Variants in ZNF429 observed in about 807,000 individuals in gnomAD.
ZNF429 encodes zinc finger protein 429.
A neutral mutation model predicts 56.8 loss-of-function variants in ZNF429; 53 were observed. The observed-to-expected ratio is 0.93, with a 90% CI of 0.75 to 1.17. ZNF429 has a LOEUF of 1.17. ZNF429 is among the 50% of genes most tolerant of loss of function. The pLI is 0.00. For synonymous variants in ZNF429, 278 were observed against 264.7 expected (o/e 1.05, Z -0.49); for missense variants, 849 against 788.4 (o/e 1.08, Z -0.92).
intron 1 of ZNF429, among the ~76,000 whole-genome samples, chr19:21,509,019 AT>A (rs573196717): frequency 0.039 from 5,621 of 143,468 alleles, 304 homozygotes; most frequent in African/African-American, 0.13. Context: ...TGTTTACTAC[AT>A]TTTTTTTTTT....
At chr19:21,520,247 C>T (rs1368756384) in intron 1 of ZNF429, among the ~76,000 whole-genome samples, 1 of 152,164 alleles carries the variant, frequency 6.6e-6, no homozygotes, top group Non-Finnish European at 1.5e-5. Context: ...GTGCCCAAGG[C>T]TACACCTTAG....
intron 1 of ZNF429, among the ~76,000 whole-genome samples, chr19:21,517,037 TGCTTCCA>T (rs747671799): frequency 2.6e-5 from 4 of 152,236 alleles, no homozygotes; most frequent in Non-Finnish European, 5.9e-5. Context: ...TAAGAAGAAA[TGCTTCCA>T]GCTTGCGTCC....
At chr19:21,535,325 T>TTCTTTCTTTCTTTCTTTCTTTCTTTC in intron 3 of ZNF429, among the ~76,000 whole-genome samples, 2 of 124,648 alleles carry the variant, frequency 1.6e-5, no homozygotes, top group African/African-American at 8.2e-5. Flanking sequence ...CTTTCTTTCT[T>TTCTTTCTTTCTTTCTTTCTTTCTTTC]TCTCTTTTCT....
intron 1 of ZNF429, among the ~76,000 whole-genome samples, chr19:21,516,810 T>C (rs899804127): frequency 6.6e-6 from 1 of 152,236 alleles, no homozygotes. Context: ...GAAACTTTGC[T>C]GAAGTTGTTT....
intron 1 of ZNF429, chr19:21,506,040 GTC>G (rs2032128245): frequency 3.0e-6 from 1 of 330,242 alleles, no homozygotes; most frequent in Non-Finnish European, 6.0e-6. Context: ...CAATTCCGCA[GTC>G]TCTCCCAGAT....
chr19:21,518,997 A>C (rs2032887733), intron 1 of ZNF429: 1 of 152,218 alleles, frequency 6.6e-6, no homozygotes, highest in African/African-American at 2.4e-5. Flanking sequence ...GGTGATGAGA[A>C]AGATATATAT....
intron 1 of ZNF429, among the ~76,000 whole-genome samples, chr19:21,509,254 C>T (rs1438321872): frequency 6.6e-6 from 1 of 152,106 alleles, no homozygotes; most frequent in Non-Finnish European, 1.5e-5. Flanking sequence ...CAATCTGCCC[C>T]TCCTAAAGTG....
chr19:21,511,960 G>A (rs563022168), intron 1 of ZNF429, among the ~76,000 whole-genome samples: 8 of 152,178 alleles, frequency 5.3e-5, no homozygotes, highest in South Asian at 2.1e-4. Context: ...GCCTGGAATC[G>A]CAGGCACTCG....
At chr19:21,531,793 G>T in intron 3 of ZNF429, among the ~76,000 whole-genome samples, 1 of 149,234 alleles carries the variant, frequency 6.7e-6, no homozygotes. Flanking sequence ...GTGATGGAGT[G>T]AGACTCTGTC....
chr19:21,508,944 G>T (rs2032318796), intron 1 of ZNF429, among the ~76,000 whole-genome samples: 1 of 152,002 alleles, frequency 6.6e-6, no homozygotes, highest in Non-Finnish European at 1.5e-5. Flanking sequence ...CTTTATTTCA[G>T]AGTTTAATGC....
At chr19:21,531,130 C>A in intron 3 of ZNF429, among the ~76,000 whole-genome samples, 77,585 of 112,686 alleles carry the variant, frequency 0.69, 24,418 homozygotes, top group African/African-American at 0.78. Context: ...AAAAAAAAAA[C>A]CAAAAAAAAA....
At chr19:21,530,331 G>T in intron 2 of ZNF429, among the ~76,000 whole-genome samples, 7 of 152,078 alleles carry the variant, frequency 4.6e-5, no homozygotes, top group African/African-American at 1.7e-4. Context: ...TCAGGAATTT[G>T]GTGGCCTAAA....
At chr19:21,512,208 T>C (rs1377600540) in intron 1 of ZNF429, among the ~76,000 whole-genome samples, 1 of 152,156 alleles carries the variant, frequency 6.6e-6, no homozygotes, top group Non-Finnish European at 1.5e-5. Context: ...TTGGCATTTG[T>C]AAACTGTTAT....
chr19:21,535,473 TTTC>T, intron 3 of ZNF429, among the ~76,000 whole-genome samples: 2 of 95,706 alleles, frequency 2.1e-5, no homozygotes, highest in African/African-American at 9.1e-5. Context: ...TCTTTCTTTC[TTTC>T]TTTCTTTCTT....
chr19:21,514,685 C>T (rs1455956425), intron 1 of ZNF429, among the ~76,000 whole-genome samples: 1 of 151,996 alleles, frequency 6.6e-6, no homozygotes, highest in Non-Finnish European at 1.5e-5. Context: ...GCAACCTCCA[C>T]CTCCCAGATT....
intron 3 of ZNF429, among the ~76,000 whole-genome samples, chr19:21,535,393 C>T: frequency 2.4e-5 from 1 of 42,394 alleles, no homozygotes; most frequent in East Asian, 4.9e-4. Context: ...TACTTTCTTT[C>T]TTTCTTTCTT....
chr19:21,505,770 A>G lies in ZNF429; in HGVS notation c.-2A>G, dbSNP rs1356111958. The G allele has an allele frequency of 6.2e-7, 1 of 1,611,382 alleles. No homozygotes were observed. The highest frequency in any genetic ancestry group is 8.5e-7 in the Non-Finnish European group (1 of 1,178,296). ...ACTCCAGGACCCCCTGGAAGCCTAGAAATGGTGAGAGTGCCGAGTCTGACA... is the reference window on the plus strand; with the variant it reads ...ACTCCAGGACCCCCTGGAAGCCTAGGAATGGTGAGAGTGCCGAGTCTGACA... On this transcript the variant is annotated 5_prime_UTR_variant, in exon 1 of 4. Transcript: ENST00000358491.
chr19:21,508,438 C>T (rs574889437), intron 1 of ZNF429, among the ~76,000 whole-genome samples: 1 of 152,162 alleles, frequency 6.6e-6, no homozygotes, highest in South Asian at 2.1e-4. Context: ...AGTGATTGAA[C>T]TTGACACATG....
intron 1 of ZNF429, among the ~76,000 whole-genome samples, chr19:21,516,760 C>A (rs1312780839): frequency 6.6e-6 from 1 of 152,054 alleles, no homozygotes; most frequent in Admixed American, 6.6e-5. Flanking sequence ...TGTGGATGTG[C>A]AGAGATGCTG....
Sources: gnomAD v4.1 joint callset for allele counts (sites outside exome capture counted in the v4.1 genomes callset) on GRCh38, gnomAD v4.1.1 for gene constraint, MANE v1.5 for transcripts, NCBI Gene and HGNC (gene_info 2026-07-23, HGNC 2026-07-21) for gene names.